Variants in SLX4IP observed in about 807,000 individuals in gnomAD.
SLX4IP encodes the protein SLX4 interacting protein.
SLX4IP carries 34 observed loss-of-function variants against 32.9 expected under a neutral mutation model. The ratio of observed to expected loss-of-function variants is 1.03; its 90% CI spans 0.79 to 1.38. The LOEUF is 1.38. Among genes scored for constraint, SLX4IP ranks in the 40% most tolerant of loss-of-function variants. The pLI, the probability that SLX4IP is intolerant of heterozygous loss-of-function variation, is 0.00. For synonymous variants in SLX4IP, 172 were observed against 171.7 expected, an observed-to-expected ratio of 1.00 and a Z score of -0.01; for missense variants, 444 against 479.0, an observed-to-expected ratio of 0.93 and a Z score of 0.68.
rs140129653 is a variant in SLX4IP at position 10,623,317 on chromosome 20, A to C, written c.1165A>C (p.Arg389=). 4 of 1,614,074 alleles carry C rather than the reference A, an allele frequency of 2.5e-6. No homozygotes were observed. The highest frequency in any genetic ancestry group is 3.4e-6 in the Non-Finnish European group (4 of 1,180,044). The change falls in exon 8 of 8, where the codon AGA becomes CGA. Residue 389 remains arginine (R), a synonymous_variant. Transcript: ENST00000334534. ...QQTGLATNTE[R]LSTIQNSPTK... Reference sequence around the variant, plus strand: ...AACCGGCTTAGCCACAAACACTGAAAGATTATCTACAATTCAGAACAGCCC... The same window carrying C: ...AACCGGCTTAGCCACAAACACTGAACGATTATCTACAATTCAGAACAGCCC...
At chr20:10,513,204 C>T (rs2065825153) in intron 2 of SLX4IP, among the ~76,000 whole-genome samples, 1 of 151,906 alleles carries the variant, frequency 6.6e-6, no homozygotes, top group Non-Finnish European at 1.5e-5. Flanking sequence ...TTATATATGG[C>T]CTATCTTAGG....
intron 2 of SLX4IP, among the ~76,000 whole-genome samples, chr20:10,462,825 G>A (rs559523038): frequency 6.6e-6 from 1 of 152,302 alleles, no homozygotes; most frequent in South Asian, 2.1e-4. Flanking sequence ...CCATCATGGA[G>A]GGTCACAGTC....
chr20:10,471,527 T>C (rs2065425035), intron 2 of SLX4IP, among the ~76,000 whole-genome samples: 1 of 152,220 alleles, frequency 6.6e-6, no homozygotes, highest in Non-Finnish European at 1.5e-5. Flanking sequence ...GCCAGTCTGT[T>C]GGGTGCACTA....
In SLX4IP at chr20:10,540,551, T is replaced by TTGTC. The variant is rs2066095514; in HGVS notation, c.28-15679_28-15676dup. Reference sequence around the variant, plus strand: ...TGTGTAGGTAGCAGCTGATACAGACTTGTCCCTCCCACTCTTTTCAGCCAA... The same window carrying TTGTC: ...TGTGTAGGTAGCAGCTGATACAGACTTGTCTGTCCCTCCCACTCTTTTCAGCCAA... On this transcript the variant is annotated intron_variant, in intron 2 of 7. Transcript: ENST00000334534. Among the ~76,000 whole-genome samples the TTGTC allele has an allele frequency of 5.3e-5, 8 of 152,178 alleles. No individual in the cohort carries two copies. The South Asian group carries it at 1.7e-3, about 32-fold the overall frequency.
chr20:10,548,908 G>A (rs1343737699), intron 2 of SLX4IP, among the ~76,000 whole-genome samples: 1 of 152,106 alleles, frequency 6.6e-6, no homozygotes, highest in Non-Finnish European at 1.5e-5. Context: ...TAAATATATA[G>A]CATATTCCAA....
At chr20:10,441,148 A>C (rs1040399501) in intron 1 of SLX4IP, among the ~76,000 whole-genome samples, 39 of 152,120 alleles carry the variant, frequency 2.6e-4, no homozygotes, top group African/African-American at 8.7e-4. Flanking sequence ...TAAAAACTAG[A>C]TTCAGGCCGG....
At chr20:10,560,277 G>A (rs547661906) in intron 3 of SLX4IP, among the ~76,000 whole-genome samples, 2 of 152,314 alleles carry the variant, frequency 1.3e-5, no homozygotes, top group South Asian at 2.1e-4. Context: ...CACACTGGGT[G>A]TTTCCCTGGG....
rs182181874 is a variant in SLX4IP at position 10,495,055 on chromosome 20, T to C, written c.27+36824T>C. Among the ~76,000 whole-genome samples, 269 of 152,324 alleles carry C rather than the reference T, an allele frequency of 1.8e-3. 1 individual carries two copies. Among genetic ancestry groups the C allele is most frequent in the African/African-American group, 5.9e-3 (244 of 41,588 alleles). On this transcript the variant is annotated intron_variant, in intron 2 of 7. Coordinates refer to ENST00000334534, the MANE Select transcript of SLX4IP (RefSeq NM_001009608.3). Reference sequence around the variant, plus strand: ...AGCTTGTTTAATCATTCCACATTTTTCCCATTTATCAAAACATCACATTGT... The same window carrying C: ...AGCTTGTTTAATCATTCCACATTTTCCCCATTTATCAAAACATCACATTGT...
At chr20:10,482,666 C>T (rs1319622716) in intron 2 of SLX4IP, among the ~76,000 whole-genome samples, 4 of 152,142 alleles carry the variant, frequency 2.6e-5, no homozygotes, top group South Asian at 2.1e-4. Context: ...GGAACATCCT[C>T]CCTGTTGTTA....
At chr20:10,568,140 C>G (rs1467727090) in intron 4 of SLX4IP, among the ~76,000 whole-genome samples, 1 of 152,184 alleles carries the variant, frequency 6.6e-6, no homozygotes, top group Non-Finnish European at 1.5e-5. Context: ...TTTTGAAAGG[C>G]TTTATCTGTC....
chr20:10,507,331 C>A (rs2065768023), intron 2 of SLX4IP, among the ~76,000 whole-genome samples: 1 of 152,048 alleles, frequency 6.6e-6, no homozygotes, highest in Non-Finnish European at 1.5e-5. Flanking sequence ...AAGACCAAGA[C>A]AGGAGAGGAA....
chr20:10,569,993 A>G (rs1288914642), intron 4 of SLX4IP, among the ~76,000 whole-genome samples: 1 of 152,210 alleles, frequency 6.6e-6, no homozygotes, highest in Admixed American at 6.5e-5. Context: ...AGCTCACCCC[A>G]TAACATACAG....
chr20:10,602,524 C>T (rs922743496), intron 6 of SLX4IP, among the ~76,000 whole-genome samples: 1 of 152,154 alleles, frequency 6.6e-6, no homozygotes, highest in African/African-American at 2.4e-5. Flanking sequence ...TTCCTGCAGC[C>T]ACAGTCCAGT....
intron 2 of SLX4IP, among the ~76,000 whole-genome samples, chr20:10,542,204 C>T (rs1206057292): frequency 6.6e-6 from 1 of 152,134 alleles, no homozygotes; most frequent in Non-Finnish European, 1.5e-5. Context: ...TTTTAATGGG[C>T]TTTGTGTCAA....
rs534418412 is a variant in SLX4IP, at chr20:10,613,689, G to A, written c.406-7625G>A. On this transcript the variant is annotated intron_variant, in intron 6 of 7. Transcript: ENST00000334534. The stretch of plus-strand genomic sequence containing the variant: ...CTTTTGTGTTGATTCTTTGACAAAG[G>A]CGTTATAGGATGGGACCTCTCCGGC... 522 of 1,613,420 alleles carry A rather than the reference G, an allele frequency of 3.2e-4. 7 individuals are homozygous for A. In the South Asian group the frequency reaches 5.0e-3, roughly 16 times the overall value.
At chr20:10,458,882 A>G (rs1036978308) in intron 2 of SLX4IP, among the ~76,000 whole-genome samples, 25 of 152,162 alleles carry the variant, frequency 1.6e-4, no homozygotes, top group African/African-American at 6.0e-4. Context: ...ATACCCGGTA[A>G]TGGGATTGCT....
rs35397723 is a variant in SLX4IP at position 10,447,866 on chromosome 20, A to AT, written c.-29-10289dup. On this transcript the variant is annotated intron_variant, in intron 1 of 7. Transcript: ENST00000334534. ...CAGGTGGGGGCTCCACACCTGGCTG[A>AT]TTTTTTTTTTTTTTTTTTTTTAGAG... Among the ~76,000 whole-genome samples, 372 of 119,510 alleles carry AT rather than the reference A, an allele frequency of 3.1e-3. 5 individuals carry two copies. The highest frequency in any genetic ancestry group is 0.03 in the East Asian group (117 of 3,848). The allele number at this position is 119,510 out of a possible 152,430, so 78.4% of individuals were successfully genotyped here. A position where few individuals can be genotyped will look rare whatever the true frequency, so the allele number is the denominator to read the frequency against.
rs1351394991 is a variant in SLX4IP, at chr20:10,622,794, C to A, written c.642C>A (p.Pro214=). The A allele has an allele frequency of 1.2e-6, 2 of 1,613,998 alleles. No homozygotes were observed. Among genetic ancestry groups the A allele is most frequent in the Non-Finnish European group, 8.5e-7 (1 of 1,180,032 alleles). Residue 214 remains proline, a synonymous_variant, in exon 8 of 8, where the codon CCC becomes CCA. Transcript: ENST00000334534. The stretch of plus-strand genomic sequence containing the variant: ...ATGATGGTCAGGCTTCCTCCAGTCC[C>A]CCATCAGAATCCATGGGACAAGCAA... The part of the protein sequence containing the change: ...RRNDGQASSS[P]PSESMGQAKD...
At chr20:10,454,069 G>A (rs2065265340) in intron 1 of SLX4IP, among the ~76,000 whole-genome samples, 2 of 152,148 alleles carry the variant, frequency 1.3e-5, no homozygotes, top group South Asian at 4.1e-4. Context: ...CTTAAAAAAT[G>A]TTTTCTTCTC....
Sources: gnomAD v4.1 joint callset for allele counts (sites outside exome capture counted in the v4.1 genomes callset) on GRCh38, gnomAD v4.1.1 for gene constraint, MANE v1.5 for transcripts, NCBI Gene and HGNC (gene_info 2026-07-23, HGNC 2026-07-21) for gene names.